The following RPTOR variants were observed in gnomAD, a reference collection of about 807,000 sequenced individuals.
RPTOR encodes regulatory-associated protein of mTOR.
In RPTOR, 21 loss-of-function variants were observed where a neutral mutation model predicts 169.9. The observed-to-expected ratio is 0.12, with a 90% CI of 0.09 to 0.18. RPTOR has a LOEUF of 0.18. Ranked by LOEUF, RPTOR falls within the 10% of genes least tolerant of loss-of-function variation. The pLI, the probability that RPTOR is intolerant of heterozygous loss-of-function variation, is 1.00. For synonymous variants in RPTOR, 732 were observed against 753.2 expected, an observed-to-expected ratio of 0.97 and a Z score of 0.46; for missense variants, 1,133 against 1,855.9, an observed-to-expected ratio of 0.61 and a Z score of 7.16.
rs2066032934 is a variant in RPTOR at position 80,695,974 on chromosome 17, AGATGGAAATTG to A, written c.349-11865_349-11855del. On this transcript the variant is annotated intron_variant, in intron 3 of 33. Transcript: ENST00000306801. The surrounding 1 kb of genome is among the most constrained non-coding windows in gnomAD (Gnocchi z 4.9). ...TTGCAGAGGATGCTGGTTACATCTT[AGATGGAAATTG>A]GCCGTGTCTCTGCTGTTTCTGAGTG... Among the ~76,000 whole-genome samples, 2 of 152,192 alleles carry A rather than the reference AGATGGAAATTG, an allele frequency of 1.3e-5. No individual in the cohort carries two copies. Among genetic ancestry groups the A allele is most frequent in the African/African-American group, 4.8e-5 (2 of 41,448 alleles).
intron 13 of RPTOR, among the ~76,000 whole-genome samples, chr17:80,863,018 A>G (rs780912535): frequency 1.6e-4 from 24 of 152,232 alleles, no homozygotes; most frequent in Non-Finnish European, 7.3e-5. Context: ...TCATTTCCCA[A>G]GCACCTTTGG....
intron 7 of RPTOR, chr17:80,804,940 G>C (rs1346924574): frequency 6.6e-6 from 1 of 152,354 alleles, no homozygotes; most frequent in Non-Finnish European, 1.5e-5. Flanking sequence ...CAAGCCCCGG[G>C]TGCCCAGTGG....
At chr17:80,961,568 C>A in intron 31 of RPTOR, 88 bp downstream of exon 31, 1 of 1,372,528 alleles carries the variant, frequency 7.3e-7, no homozygotes, top group Non-Finnish European at 9.9e-7. Flanking sequence ...ATTTAAACAG[C>A]TGGAAGGGGA....
At position 80,845,016 on chromosome 17, in the gene RPTOR, G is replaced by C. The variant is rs369840460; in HGVS notation, c.1213-1457G>C. 1.3e-5 allele frequency among the ~76,000 whole-genome samples: 2 copies of C among 151,354 alleles called. No homozygotes were observed. The highest frequency in any genetic ancestry group is 4.9e-5 in the African/African-American group (2 of 41,064). On this transcript the variant is annotated intron_variant, in intron 10 of 33. Coordinates refer to ENST00000306801, the MANE Select transcript of RPTOR (RefSeq NM_020761.3). This position sits in a 1 kb window ranked among gnomAD's most constrained non-coding sequence, Gnocchi z 5.4. ...TTTAATTCTTTGTATCGGGGGCTCA[G>C]GGAAGGCAGAGCTGTGTGTTAAGTG...
chr17:80,884,362 C>A (rs140503473), intron 16 of RPTOR, among the ~76,000 whole-genome samples: 1 of 152,202 alleles, frequency 6.6e-6, no homozygotes, highest in African/African-American at 2.4e-5. Flanking sequence ...GGGAAAGGTG[C>A]GGGGCACTGC....
intron 7 of RPTOR, among the ~76,000 whole-genome samples, chr17:80,808,590 T>C (rs1478007343): frequency 6.6e-6 from 1 of 152,214 alleles, no homozygotes; most frequent in African/African-American, 2.4e-5. Context: ...GTACAACTGA[T>C]GAGTTTGACA....
At chr17:80,555,617 TA>T (rs1363106863) in intron 1 of RPTOR, among the ~76,000 whole-genome samples, 1 of 152,194 alleles carries the variant, frequency 6.6e-6, no homozygotes, top group East Asian at 1.9e-4. Flanking sequence ...TACGCAAGTA[TA>T]GGTATCAATC....
intron 2 of RPTOR, among the ~76,000 whole-genome samples, chr17:80,634,862 GTGTGTGCATAC>G (rs147584971): frequency 0.28 from 41,686 of 146,860 alleles, 6,029 homozygotes; most frequent in Middle Eastern, 0.35. Flanking sequence ...CATACCGTGT[GTGTGTGCATAC>G]TGTGTGCATA....
intron 3 of RPTOR, among the ~76,000 whole-genome samples, chr17:80,644,168 G>A (rs758633771): frequency 7.2e-5 from 11 of 152,224 alleles, no homozygotes; most frequent in East Asian, 1.9e-4. Flanking sequence ...ACTAGTTAAC[G>A]CTATTCCGCG....
At chr17:80,895,815 G>T (rs1051362523) in intron 20 of RPTOR, among the ~76,000 whole-genome samples, 10 of 152,198 alleles carry the variant, frequency 6.6e-5, no homozygotes, top group Admixed American at 2.0e-4. Context: ...TCTCCTTGTG[G>T]CATGAATTTG....
intron 17 of RPTOR, among the ~76,000 whole-genome samples, chr17:80,890,216 G>A (rs4969286): frequency 0.41 from 62,806 of 151,996 alleles, 13,230 homozygotes; most frequent in Admixed American, 0.48. Flanking sequence ...CACCACCTCG[G>A]TGCACGTTAA....
Position 80,651,699 on chromosome 17 carries a change from G to A in RPTOR, c.348+7889G>A, listed in dbSNP as rs1288403205. ...AGTTGGAGACCAGCCTGGCCAACAT[G>A]GTGAAACCTTGTCTCTACTAAAAAT... is the stretch of plus-strand genomic sequence containing the variant. On this transcript the variant is annotated intron_variant, in intron 3 of 33. Coordinates refer to ENST00000306801, the MANE Select transcript of RPTOR (RefSeq NM_020761.3). This position sits in a 1 kb window ranked among gnomAD's most constrained non-coding sequence, Gnocchi z 4.1. Among the ~76,000 whole-genome samples the A allele has an allele frequency of 2.0e-5, 3 of 151,868 alleles. No homozygotes were observed. Among genetic ancestry groups the A allele is most frequent in the African/African-American group, 7.3e-5 (3 of 41,300 alleles).
intron 9 of RPTOR, among the ~76,000 whole-genome samples, chr17:80,835,246 T>G (rs1206734023): frequency 6.6e-6 from 1 of 152,228 alleles, no homozygotes; most frequent in Non-Finnish European, 1.5e-5. Context: ...TTGTTCATCT[T>G]AAACTTTTAC....
chr17:80,565,726 CTT>C (rs1219685720), intron 1 of RPTOR, among the ~76,000 whole-genome samples: 1 of 152,172 alleles, frequency 6.6e-6, no homozygotes, highest in African/African-American at 2.4e-5. Flanking sequence ...CTTTGTATCT[CTT>C]TATAATTTGC....
chr17:80,951,060 C>A (rs913371994), intron 28 of RPTOR, among the ~76,000 whole-genome samples: 2 of 152,098 alleles, frequency 1.3e-5, no homozygotes, highest in Non-Finnish European at 2.9e-5. Context: ...ATGAGACCCC[C>A]CTAGAAGCAT....
intron 24 of RPTOR, among the ~76,000 whole-genome samples, chr17:80,926,928 T>C (rs1435974025): frequency 1.3e-5 from 2 of 152,164 alleles, no homozygotes; most frequent in South Asian, 2.1e-4. Flanking sequence ...CAGGAGATCA[T>C]TGAGGCTGGT....
At chr17:80,585,750 T>C (rs1343120853) in intron 1 of RPTOR, among the ~76,000 whole-genome samples, 1 of 152,238 alleles carries the variant, frequency 6.6e-6, no homozygotes, top group African/African-American at 2.4e-5. Context: ...TTATAATGTG[T>C]AATATGAAGA....
chr17:80,840,612 ACCACACCACAGCTCACT>A, intron 10 of RPTOR, among the ~76,000 whole-genome samples: 1 of 9,802 alleles, frequency 1.0e-4, no homozygotes, highest in African/African-American at 1.4e-4. Flanking sequence ...GCTCACTCTC[ACCACACCACAGCTCACT>A]CTCACCGCAC....
intron 21 of RPTOR, among the ~76,000 whole-genome samples, chr17:80,912,940 G>A (rs1259323363): frequency 3.3e-5 from 5 of 152,318 alleles, no homozygotes; most frequent in African/African-American, 1.2e-4. Context: ...AGAAGGTCAA[G>A]AGAAGGCCTC....
Sources: gnomAD v4.1 joint callset for allele counts (sites outside exome capture counted in the v4.1 genomes callset) on GRCh38, gnomAD v4.1.1 for gene constraint, Gnocchi (gnomAD v3.1) non-coding constraint, MANE v1.5 for transcripts, NCBI Gene and HGNC (gene_info 2026-07-23, HGNC 2026-07-21) for gene names.